CWC27: variants seen among roughly 807,000 people sequenced by gnomAD.
The protein encoded by CWC27 is CWC27 spliceosome associated cyclophilin.
CWC27 carries 47 observed loss-of-function variants against 63.6 expected under a neutral mutation model. The ratio of observed to expected loss-of-function variants is 0.74; its 90% CI spans 0.58 to 0.94. The LOEUF (loss-of-function observed/expected upper bound fraction) is 0.94. CWC27 is among the 40% of genes least tolerant of loss of function. CWC27 has a pLI of 0.00. For missense variants in CWC27, 495 were observed against 554.3 expected, an observed-to-expected ratio of 0.89 and a Z score of 1.07; for synonymous variants, 175 against 179.8, an observed-to-expected ratio of 0.97 and a Z score of 0.22.
chr5:64,799,186 A>G (rs566773221), intron 7 of CWC27, among the ~76,000 whole-genome samples: 11 of 152,318 alleles, frequency 7.2e-5, no homozygotes, highest in Admixed American at 7.2e-4. Context: ...CTCTTTAACC[A>G]TCTGTAAAAT....
At chr5:64,833,504 T>A (rs1745583052) in intron 10 of CWC27, among the ~76,000 whole-genome samples, 1 of 151,748 alleles carries the variant, frequency 6.6e-6, no homozygotes, top group African/African-American at 2.4e-5. Flanking sequence ...TGGTGTGGTA[T>A]AAAGAGGTTG....
At chr5:64,786,959 G>A (rs4409044) in intron 6 of CWC27, among the ~76,000 whole-genome samples, 83,205 of 151,974 alleles carry the variant, frequency 0.55, 23,324 homozygotes, top group East Asian at 0.86. Flanking sequence ...GCCTCAGGAA[G>A]CTTCAATCGT....
chr5:64,840,835 G>A (rs2112280402), intron 10 of CWC27, among the ~76,000 whole-genome samples: 1 of 152,242 alleles, frequency 6.6e-6, no homozygotes, highest in Admixed American at 6.5e-5. Flanking sequence ...GGCTAATCAA[G>A]GCATTGGGAA....
chr5:65,010,642 G>A (rs1303620861), intron 13 of CWC27, among the ~76,000 whole-genome samples: 1 of 152,162 alleles, frequency 6.6e-6, no homozygotes, highest in Non-Finnish European at 1.5e-5. Context: ...TAACCCACAT[G>A]GGGAAGGCTG....
chr5:64,977,206 T>G lies in CWC27; in HGVS notation c.1224T>G (p.Ile408Met). 6.2e-7 allele frequency: 1 copy of G among 1,611,998 alleles called. No homozygotes were observed. The highest frequency in any genetic ancestry group is 1.1e-5 in the South Asian group (1 of 90,694). The change falls in exon 13 of 14, where the codon ATT becomes ATG. Residue 408 changes from isoleucine (I) to methionine (M), a missense_variant. Ile to Met is a conservative substitution (Grantham distance 10). Transcript: ENST00000381070. ...QAIAETPEND[I>M]PETEVEDDEG... ...TTGCTGAAACGCCTGAAAATGACAT[T>G]CCTGAAACAGAAGTAGAAGATGATG...
chr5:64,864,143 G>T (rs534274856), intron 10 of CWC27, among the ~76,000 whole-genome samples: 2 of 152,060 alleles, frequency 1.3e-5, no homozygotes, highest in Non-Finnish European at 1.5e-5. Flanking sequence ...TGGCAAATGA[G>T]GTTTTCTTAT....
chr5:64,988,549 CT>C (rs1331303026), intron 13 of CWC27, among the ~76,000 whole-genome samples: 2 of 151,378 alleles, frequency 1.3e-5, no homozygotes, highest in Non-Finnish European at 2.9e-5. Context: ...CTATTTGTAT[CT>C]GTCCCATGTA....
intron 13 of CWC27, among the ~76,000 whole-genome samples, chr5:64,993,890 T>G (rs1749585085): frequency 6.6e-6 from 1 of 152,208 alleles, no homozygotes; most frequent in African/African-American, 2.4e-5. Context: ...ATAAGCATTC[T>G]GATACTGTAA....
intron 10 of CWC27, among the ~76,000 whole-genome samples, chr5:64,845,647 T>C (rs1363319349): frequency 6.6e-6 from 1 of 152,104 alleles, no homozygotes; most frequent in African/African-American, 2.4e-5. Context: ...AAAGAATCAA[T>C]GAGCTGGAAG....
At chr5:64,945,793 C>T (rs1235744792) in intron 11 of CWC27, among the ~76,000 whole-genome samples, 1 of 152,132 alleles carries the variant, frequency 6.6e-6, no homozygotes, top group African/African-American at 2.4e-5. Flanking sequence ...TATAATCCTT[C>T]ATGTGAGCTT....
intron 12 of CWC27, among the ~76,000 whole-genome samples, chr5:64,976,259 A>G (rs2112446164): frequency 6.6e-6 from 1 of 152,176 alleles, no homozygotes; most frequent in South Asian, 2.1e-4. Context: ...CTATCGTCCC[A>G]GGATAGGAAT....
chr5:64,993,885 C>A (rs1469032070), intron 13 of CWC27, among the ~76,000 whole-genome samples: 4 of 152,254 alleles, frequency 2.6e-5, no homozygotes, highest in South Asian at 4.1e-4. Flanking sequence ...TACAAATAAG[C>A]ATTCTGATAC....
At chr5:64,946,937 G>A (rs554543043) in intron 11 of CWC27, among the ~76,000 whole-genome samples, 1 of 152,198 alleles carries the variant, frequency 6.6e-6, no homozygotes, top group Non-Finnish European at 1.5e-5. Context: ...CCAGAGCTCA[G>A]CTCAGCCTAG....
intron 10 of CWC27, among the ~76,000 whole-genome samples, chr5:64,870,605 G>A (rs1265373146): frequency 1.3e-5 from 2 of 151,922 alleles, no homozygotes; most frequent in African/African-American, 2.4e-5. Flanking sequence ...CAGAAAGAAT[G>A]ATGAATCATA....
chr5:64,973,380 G>A (rs1014874567), intron 12 of CWC27, among the ~76,000 whole-genome samples: 6 of 152,172 alleles, frequency 3.9e-5, no homozygotes, highest in African/African-American at 1.4e-4. Context: ...GGCCCAGTTG[G>A]GAGACTCTTG....
At chr5:64,878,108 A>G (rs1323711536) in intron 10 of CWC27, among the ~76,000 whole-genome samples, 3 of 151,902 alleles carry the variant, frequency 2.0e-5, no homozygotes, top group Non-Finnish European at 4.4e-5. Flanking sequence ...TTTTTCTGTG[A>G]TGATGAAACT....
chr5:64,908,240 G>A (rs919773297), intron 11 of CWC27, among the ~76,000 whole-genome samples: 1 of 152,188 alleles, frequency 6.6e-6, no homozygotes, highest in East Asian at 1.9e-4. Flanking sequence ...TTGCACTGTG[G>A]TCTGAGAGAC....
At chr5:64,985,703 T>G (rs940196920) in intron 13 of CWC27, among the ~76,000 whole-genome samples, 2 of 152,206 alleles carry the variant, frequency 1.3e-5, no homozygotes, top group South Asian at 4.1e-4. Context: ...TTTTATTTCT[T>G]TCTTTCTACT....
chr5:64,953,737 G>C (rs970987824), intron 11 of CWC27, among the ~76,000 whole-genome samples: 6 of 152,104 alleles, frequency 3.9e-5, no homozygotes, highest in Non-Finnish European at 7.4e-5. Context: ...GTAATACAGA[G>C]TTCAGGGACT....
Sources: gnomAD v4.1 joint callset for allele counts (sites outside exome capture counted in the v4.1 genomes callset) on GRCh38, gnomAD v4.1.1 for gene constraint, MANE v1.5 for transcripts, NCBI Gene and HGNC (gene_info 2026-07-23, HGNC 2026-07-21) for gene names.